The following DLC1 variants were observed in gnomAD, a reference collection of about 807,000 sequenced individuals.
The protein encoded by DLC1 is DLC1 Rho GTPase activating protein.
Under a neutral mutation model 140.3 loss-of-function variants are expected in DLC1, and 54 were observed. The observed-to-expected ratio is 0.38, with a 90% CI of 0.31 to 0.48. The LOEUF is 0.48. Ranked by LOEUF, DLC1 falls within the 20% of genes least tolerant of loss-of-function variation. The pLI is 0.96. For missense variants in DLC1, 2,536 were observed against 1,907.0 expected, an observed-to-expected ratio of 1.33 and a Z score of -6.14; for synonymous variants, 986 against 728.1, an observed-to-expected ratio of 1.35 and a Z score of -5.70.
chr8:13,386,538 A>C (rs1836527292), intron 4 of DLC1, among the ~76,000 whole-genome samples: 1 of 152,156 alleles, frequency 6.6e-6, no homozygotes, highest in South Asian at 2.1e-4. Context: ...GACTGTCTTG[A>C]GTTAACATGT....
intron 5 of DLC1, among the ~76,000 whole-genome samples, chr8:13,275,769 A>G (rs1431304440): frequency 6.6e-6 from 1 of 152,126 alleles, no homozygotes; most frequent in Non-Finnish European, 1.5e-5. Flanking sequence ...GCCAGAGGAA[A>G]TACCAGCAGG....
In DLC1 at chr8:13,553,958, C is replaced by T. The variant is rs115074667; in HGVS notation, c.-126+50579G>A. 3.3e-3 allele frequency among the ~76,000 whole-genome samples: 496 copies of T among 152,240 alleles called. 3 individuals carry two copies. The highest frequency in any genetic ancestry group is 0.012 in the African/African-American group (479 of 41,554). On this transcript the variant is annotated intron_variant, in intron 1 of 1. Transcript: ENST00000631382. Reference sequence around the variant, plus strand: ...TGCGCCCTTTGCTTGATCTTTCTAACATCCCTGCCCCCTTGTCATTAGTAT... The same window carrying T: ...TGCGCCCTTTGCTTGATCTTTCTAATATCCCTGCCCCCTTGTCATTAGTAT...
At chr8:13,312,191 C>G (rs1832694005) in intron 4 of DLC1, among the ~76,000 whole-genome samples, 1 of 134,040 alleles carries the variant, frequency 7.5e-6, no homozygotes, top group Non-Finnish European at 1.6e-5. Flanking sequence ...GAAACCCCGT[C>G]TCTACTAAAA....
At chr8:13,246,473 CAT>C (rs541848900) in intron 5 of DLC1, among the ~76,000 whole-genome samples, 103 of 152,150 alleles carry the variant, frequency 6.8e-4, no homozygotes, top group Middle Eastern at 3.4e-3. Flanking sequence ...TAGATTCACT[CAT>C]GTGGCATTCT....
chr8:13,278,092 A>G (rs544145061), intron 5 of DLC1, among the ~76,000 whole-genome samples: 92 of 152,334 alleles, frequency 6.0e-4, no homozygotes, highest in African/African-American at 1.8e-3. Flanking sequence ...AAAGCTCATG[A>G]ATGTCCCCCA....
chr8:13,215,830 C>G (rs1020654268), intron 5 of DLC1, among the ~76,000 whole-genome samples: 2 of 152,166 alleles, frequency 1.3e-5, no homozygotes, highest in Non-Finnish European at 2.9e-5. Flanking sequence ...TTAGATAGGA[C>G]TAGTGCGCAA....
At chr8:13,593,367 G>T (rs566883980) in intron 1 of DLC1, among the ~76,000 whole-genome samples, 1 of 152,222 alleles carries the variant, frequency 6.6e-6, no homozygotes, top group Non-Finnish European at 1.5e-5. Context: ...CACAAAGTAG[G>T]ATTGCAATTC....
At chr8:13,402,952 C>G (rs886213210) in intron 2 of DLC1, among the ~76,000 whole-genome samples, 1 of 152,056 alleles carries the variant, frequency 6.6e-6, no homozygotes, top group Non-Finnish European at 1.5e-5. Context: ...TTTCACATGT[C>G]GGATAATTGG....
intron 5 of DLC1, among the ~76,000 whole-genome samples, chr8:13,251,576 AC>A (rs766556904): frequency 3.9e-5 from 6 of 152,110 alleles, no homozygotes; most frequent in Non-Finnish European, 7.3e-5. Context: ...TGGATACAGG[AC>A]CTTTTGGATA....
chr8:13,130,160 C>T (rs944552162), intron 5 of DLC1, among the ~76,000 whole-genome samples: 6 of 152,184 alleles, frequency 3.9e-5, no homozygotes, highest in Non-Finnish European at 5.9e-5. Flanking sequence ...CTGATTTAAA[C>T]ATTGCGTCAT....
At chr8:13,154,467 G>A (rs115566502) in intron 5 of DLC1, among the ~76,000 whole-genome samples, 79 of 152,336 alleles carry the variant, frequency 5.2e-4, no homozygotes, top group African/African-American at 1.8e-3. Context: ...GCCCAGGGCC[G>A]GCGGTGCCGG....
intron 1 of DLC1, among the ~76,000 whole-genome samples, chr8:13,582,800 T>C: frequency 6.7e-6 from 1 of 148,630 alleles, no homozygotes; most frequent in East Asian, 2.0e-4. Context: ...GTAATGCTAA[T>C]ATCTCAATAA....
chr8:13,505,415 A>G (rs1337983399), intron 1 of DLC1, among the ~76,000 whole-genome samples: 1 of 152,214 alleles, frequency 6.6e-6, no homozygotes, highest in Non-Finnish European at 1.5e-5. Context: ...AGACATAGCT[A>G]AAAATAATTT....
intron 4 of DLC1, among the ~76,000 whole-genome samples, chr8:13,346,075 A>G (rs1834321399): frequency 6.6e-6 from 1 of 152,188 alleles, no homozygotes; most frequent in African/African-American, 2.4e-5. Flanking sequence ...ATACTTGTCA[A>G]TACATTAGGA....
At chr8:13,497,530 A>G (rs1340529287) in intron 2 of DLC1, among the ~76,000 whole-genome samples, 1 of 152,212 alleles carries the variant, frequency 6.6e-6, no homozygotes, top group African/African-American at 2.4e-5. Flanking sequence ...TCAAAAGGCA[A>G]CCATGCTATA....
intron 5 of DLC1, among the ~76,000 whole-genome samples, chr8:13,178,082 A>G (rs957664457): frequency 4.6e-5 from 7 of 152,186 alleles, no homozygotes; most frequent in Admixed American, 4.6e-4. Flanking sequence ...GGTCAATCAT[A>G]TATCTGTATA....
intron 4 of DLC1, among the ~76,000 whole-genome samples, chr8:13,355,706 A>G (rs1323094244): frequency 6.6e-6 from 1 of 152,192 alleles, no homozygotes; most frequent in East Asian, 1.9e-4. Flanking sequence ...ACTGTAGAAC[A>G]ACATTTGAAG....
At chr8:13,392,047 C>A (rs892490786) in intron 4 of DLC1, among the ~76,000 whole-genome samples, 2 of 151,886 alleles carry the variant, frequency 1.3e-5, no homozygotes, top group Non-Finnish European at 2.9e-5. Flanking sequence ...TGCATCTCAA[C>A]TTTCCTTACC....
At chr8:13,507,344 A>G (rs1046091923) in intron 1 of DLC1, among the ~76,000 whole-genome samples, 1 of 152,194 alleles carries the variant, frequency 6.6e-6, no homozygotes, top group African/African-American at 2.4e-5. Context: ...TACACAAACA[A>G]ATAGCAAAAA....
Sources: allele counts gnomAD v4.1 joint callset (sites outside exome capture counted in the v4.1 genomes callset), GRCh38; gene constraint gnomAD v4.1.1; transcripts MANE v1.5; gene names NCBI Gene and HGNC (gene_info 2026-07-23, HGNC 2026-07-21).